KIFC3: variants seen among roughly 807,000 people sequenced by gnomAD.
KIFC3 encodes the protein kinesin family member C3, also known as kinesin-like protein KIFC3.
Under a neutral mutation model 101.8 loss-of-function variants are expected in KIFC3, and 60 were observed. The observed-to-expected ratio is 0.59, with a 90% CI of 0.48 to 0.73. The LOEUF (loss-of-function observed/expected upper bound fraction) is 0.73, where lower values mean the gene tolerates loss of function less well. Among genes scored for constraint, KIFC3 ranks in the 30% least tolerant of loss-of-function variants. The probability of loss-of-function intolerance (pLI) is 0.00; values close to 1 mark genes in which losing one functional copy is unlikely to be tolerated. For missense variants in KIFC3, 966 were observed against 1,137.1 expected (o/e 0.85, Z 2.16); for synonymous variants, 476 against 482.7 (o/e 0.99, Z 0.18).
chr16:57,812,658 C>T (rs1431539372), intron 1 of KIFC3, among the ~76,000 whole-genome samples: 2 of 152,122 alleles, frequency 1.3e-5, no homozygotes, highest in Admixed American at 1.3e-4. Flanking sequence ...GGAGGTGGAG[C>T]GGGAGAGACC....
upstream of KIFC3, among the ~76,000 whole-genome samples, chr16:57,804,578 AACT>A (rs1186086982): frequency 9.2e-5 from 14 of 152,310 alleles, no homozygotes; most frequent in African/African-American, 3.1e-4. Flanking sequence ...GAAACGTAAA[AACT>A]ACTTGTTTCA....
upstream of KIFC3, among the ~76,000 whole-genome samples, chr16:57,808,218 TGA>T: frequency 6.6e-6 from 1 of 151,862 alleles, no homozygotes; most frequent in East Asian, 1.9e-4. Context: ...CTTAAAAAAA[TGA>T]GAGGAATGCA....
chr16:57,817,034 GC>G, intron 1 of KIFC3: 1 of 322,274 alleles, frequency 3.1e-6, no homozygotes. Flanking sequence ...GTCGCAAACT[GC>G]CACAAACTGC....
chr16:57,795,894 T>TG (rs869239703), intron 2 of KIFC3, among the ~76,000 whole-genome samples: 12,071 of 117,638 alleles, frequency 0.1, 719 homozygotes, highest in African/African-American at 0.16. Context: ...GTTTTTTTTT[T>TG]TTTTTTTTTT....
intron 13 of KIFC3, 53 bp downstream of exon 13, chr16:57,762,087 G>A (rs2148854282): frequency 1.3e-6 from 2 of 1,520,656 alleles, no homozygotes; most frequent in Non-Finnish European, 1.8e-6. Context: ...CACCACCCCG[G>A]AGGACCCCAA....
chr16:57,783,785 T>TA (rs1555616174), intron 3 of KIFC3, among the ~76,000 whole-genome samples: 1 of 152,074 alleles, frequency 6.6e-6, no homozygotes, highest in Non-Finnish European at 1.5e-5. Context: ...CAAAGCCCTT[T>TA]AAAAAACACT....
intron 7 of KIFC3, 141 bp downstream of exon 7, chr16:57,770,386 G>GCC: frequency 1.4e-6 from 1 of 717,220 alleles, no homozygotes. Flanking sequence ...GACAAAACTT[G>GCC]CCCTGGGTCC....
At chr16:57,856,696 G>C (rs2056177463) in intron 1 of KIFC3, among the ~76,000 whole-genome samples, 1 of 152,014 alleles carries the variant, frequency 6.6e-6, no homozygotes, top group African/African-American at 2.4e-5. Context: ...AATATCAGAA[G>C]GAAAGTGTGT....
intron 3 of KIFC3, among the ~76,000 whole-genome samples, chr16:57,781,580 C>G (rs782026476): frequency 8.5e-5 from 13 of 152,226 alleles, no homozygotes; most frequent in Non-Finnish European, 1.8e-4. Context: ...GGCCCAACTG[C>G]TCTCAGTAAA....
intron 3 of KIFC3, among the ~76,000 whole-genome samples, chr16:57,789,728 GTTTTGTTTTC>G (rs2053686313): frequency 6.7e-6 from 1 of 148,284 alleles, no homozygotes; most frequent in South Asian, 2.1e-4. Context: ...TCTTTGTTTT[GTTTTGTTTTC>G]TTTTCTTTTC....
chr16:57,828,919 C>T (rs554380516), intron 1 of KIFC3, among the ~76,000 whole-genome samples: 106 of 152,216 alleles, frequency 7.0e-4, no homozygotes, highest in Admixed American at 2.6e-3. Flanking sequence ...TCACTTGCTA[C>T]GGATTAAAAC....
chr16:57,796,220 GCTTGTCAATAAAAT>G (rs2054308820), intron 2 of KIFC3, among the ~76,000 whole-genome samples: 1 of 152,130 alleles, frequency 6.6e-6, no homozygotes, highest in South Asian at 2.1e-4. Context: ...TCCTCAGTTT[GCTTGTCAATAAAAT>G]GGGGACAACT....
chr16:57,847,255 GA>G (rs2055945664), intron 1 of KIFC3, among the ~76,000 whole-genome samples: 1 of 102,564 alleles, frequency 9.8e-6, no homozygotes, highest in South Asian at 3.6e-4. Context: ...AGGAAGGAAG[GA>G]AGGAAGGAAG....
chr16:57,840,486 C>T (rs1459318543), intron 1 of KIFC3, among the ~76,000 whole-genome samples: 1 of 151,978 alleles, frequency 6.6e-6, no homozygotes, highest in Non-Finnish European at 1.5e-5. Context: ...AAAGGCTGAG[C>T]ACGGTGGCTC....
chr16:57,759,363 G>A (rs1028731498), intron 18 of KIFC3: 20 of 626,890 alleles, frequency 3.2e-5, no homozygotes, highest in Middle Eastern at 2.7e-4. Context: ...TTCTACCCCC[G>A]GGGCAGCTGA....
chr16:57,825,766 C>T (rs1253871735), intron 1 of KIFC3, among the ~76,000 whole-genome samples: 1 of 152,172 alleles, frequency 6.6e-6, no homozygotes, highest in Non-Finnish European at 1.5e-5. Context: ...CAGCCTTGAC[C>T]TCCCAGTCTC....
At chr16:57,764,299 G>C in intron 11 of KIFC3, 52 bp from the exon 12 acceptor site, 1 of 1,151,846 alleles carries the variant, frequency 8.7e-7, no homozygotes, top group Non-Finnish European at 1.3e-6. Flanking sequence ...GGGCCGCTGG[G>C]ACCACCAGCT....
chr16:57,856,951 C>T (rs2056183056), intron 1 of KIFC3, among the ~76,000 whole-genome samples: 1 of 152,272 alleles, frequency 6.6e-6, no homozygotes, highest in Admixed American at 6.5e-5. Context: ...GTGAATTCTA[C>T]CAAACATTTC....
At chr16:57,859,227 A>G (rs1340604429) in intron 1 of KIFC3, among the ~76,000 whole-genome samples, 1 of 152,216 alleles carries the variant, frequency 6.6e-6, no homozygotes, top group Non-Finnish European at 1.5e-5. Flanking sequence ...ACAACTTTAT[A>G]CTGTGATGGG....
Sources: gnomAD v4.1 joint callset for allele counts (sites outside exome capture counted in the v4.1 genomes callset) on GRCh38, gnomAD v4.1.1 for gene constraint, MANE v1.5 for transcripts, NCBI Gene and HGNC (gene_info 2026-07-23, HGNC 2026-07-21) for gene names.